ABLIM3: variants seen among roughly 807,000 people sequenced by gnomAD.
ABLIM3 encodes the protein actin binding LIM protein family member 3.
ABLIM3 carries 61 observed loss-of-function variants against 109.5 expected under a neutral mutation model. The ratio of observed to expected loss-of-function variants is 0.56; its 90% CI spans 0.45 to 0.69. The LOEUF (loss-of-function observed/expected upper bound fraction) is 0.69. Ranked by LOEUF, ABLIM3 falls within the 30% of genes least tolerant of loss-of-function variation. The pLI is 0.00. For synonymous variants in ABLIM3, 300 were observed against 324.8 expected (o/e 0.92, Z 0.82); for missense variants, 796 against 889.5 (o/e 0.89, Z 1.34).
chr5:149,209,951 C>G (rs1375587919), intron 6 of ABLIM3, among the ~76,000 whole-genome samples: 1 of 150,966 alleles, frequency 6.6e-6, no homozygotes, highest in Non-Finnish European at 1.5e-5. Flanking sequence ...GTGTCTGAGC[C>G]AAGTTCTCTT....
At chr5:149,168,763 C>A (rs148354597) in intron 2 of ABLIM3, among the ~76,000 whole-genome samples, 2 of 152,158 alleles carry the variant, frequency 1.3e-5, no homozygotes, top group Non-Finnish European at 2.9e-5. Context: ...ATGGTGACAG[C>A]GCTTTTGATA....
chr5:149,250,407 C>T, intron 19 of ABLIM3, 40 bp from the exon 20 acceptor site: 1 of 1,607,216 alleles, frequency 6.2e-7, no homozygotes, highest in Non-Finnish European at 8.5e-7. Flanking sequence ...GGACTCATGG[C>T]TTGGGACTCC....
intron 3 of ABLIM3, among the ~76,000 whole-genome samples, chr5:149,195,255 A>G (rs191432459): frequency 3.3e-5 from 5 of 152,292 alleles, no homozygotes; most frequent in African/African-American, 1.2e-4. Context: ...AACCTACAAA[A>G]CATCACATTG....
At position 149,198,152 on chromosome 5, in the gene ABLIM3, G is replaced by A. The variant is rs377045773; in HGVS notation, c.152-67G>A. On this transcript the variant is annotated intron_variant, in intron 3 of 23. Coordinates refer to ENST00000309868, the MANE Select transcript of ABLIM3 (RefSeq NM_014945.5). The surrounding 1 kb of genome is among the most constrained non-coding windows in gnomAD (Gnocchi z 4.2). ...GTGAGACACCAGCCTTTCCCCCAGC[G>A]AGGACCTTCTGCTTACAGACCCTCC... 41 of 1,490,072 alleles carry A rather than the reference G, an allele frequency of 2.8e-5. No individual in the cohort carries two copies. The highest frequency in any genetic ancestry group is 2.3e-4 in the South Asian group (18 of 76,866). 92.3% of individuals were successfully genotyped at this position (1,490,072 alleles called of 1,614,324 possible).
intron 18 of ABLIM3, among the ~76,000 whole-genome samples, chr5:149,248,846 C>T: frequency 6.8e-6 from 1 of 146,740 alleles, no homozygotes; most frequent in Non-Finnish European, 1.5e-5. Flanking sequence ...ATTGCAAGCT[C>T]CTCCTATTCC....
Position 149,250,472 on chromosome 5 carries a change from C to A in ABLIM3, c.1755C>A (p.Ser585=). 2 of 1,614,172 alleles carry A rather than the reference C, an allele frequency of 1.2e-6. No individual in the cohort carries two copies. The highest frequency in any genetic ancestry group is 1.7e-6 in the Non-Finnish European group (2 of 1,180,014). The change falls in exon 20 of 24, where the codon TCC becomes TCA. Residue 585 remains serine, a synonymous_variant. Transcript: ENST00000309868. ...ATCCTCTCATCTCCAAATCTGCCTC[C>A]CTGCCTGCCTACCGAAGAAATGGGC... The part of the protein sequence containing the change: ...DSDPLISKSA[S]LPAYRRNGLH...
intron 7 of ABLIM3, among the ~76,000 whole-genome samples, chr5:149,214,396 G>T (rs191253617): frequency 6.6e-6 from 1 of 152,172 alleles, no homozygotes; most frequent in South Asian, 2.1e-4. Flanking sequence ...CAGCCGGCAC[G>T]CCCGGTGGAA....
At chr5:149,168,152 A>G (rs1195366796) in intron 2 of ABLIM3, among the ~76,000 whole-genome samples, 1 of 152,208 alleles carries the variant, frequency 6.6e-6, no homozygotes, top group African/African-American at 2.4e-5. Flanking sequence ...AATTGTCCCC[A>G]ATAGAGAACT....
intron 11 of ABLIM3, 133 bp from the exon 12 acceptor site, chr5:149,239,115 C>G: frequency 1.2e-6 from 1 of 836,496 alleles, no homozygotes; most frequent in South Asian, 1.5e-5. Context: ...AGGCTGTTAT[C>G]TGGAGAGGGG....
At chr5:149,200,277 A>C (rs369094018) in intron 4 of ABLIM3, 39 bp from the exon 5 acceptor site, 1 of 1,565,292 alleles carries the variant, frequency 6.4e-7, no homozygotes, top group African/African-American at 1.4e-5. Flanking sequence ...AATCCCTCAG[A>C]AGAGGGTGTG....
intron 13 of ABLIM3, 98 bp downstream of exon 13, chr5:149,239,986 T>A (rs1375896798): frequency 1.6e-5 from 23 of 1,452,520 alleles, no homozygotes; most frequent in South Asian, 4.6e-5. Context: ...TCCCCCATGA[T>A]CTCCATCACA....
intron 14 of ABLIM3, 67 bp from the exon 15 acceptor site, chr5:149,242,422 TCC>T: frequency 6.6e-7 from 1 of 1,509,874 alleles, no homozygotes. Context: ...AAGTACTATC[TCC>T]TTTTCTCCCT....
rs777206313 is a variant in ABLIM3 at position 149,230,719 on chromosome 5, A to G, written c.816+12A>G. 6 of 1,613,904 alleles carry G rather than the reference A, an allele frequency of 3.7e-6. No individual in the cohort carries two copies. Among genetic ancestry groups the G allele is most frequent in the Non-Finnish European group, 4.2e-6 (5 of 1,179,832 alleles). ...AGAAGAAGTTAAAGGTAAGCAAGCT[A>G]GTAGATTCCAGACCAGCACTCCTGC... is the stretch of plus-strand genomic sequence containing the variant. On this transcript the variant is annotated intron_variant, in intron 9 of 23. Transcript: ENST00000309868.
chr5:149,249,103 T>G (rs922929020), intron 18 of ABLIM3, among the ~76,000 whole-genome samples: 12 of 152,200 alleles, frequency 7.9e-5, no homozygotes, highest in Admixed American at 7.2e-4. Flanking sequence ...GAACTGAGGT[T>G]AAGCCACTTG....
chr5:149,240,642 G>C (rs754756762), intron 13 of ABLIM3, 34 bp from the exon 14 acceptor site: 2 of 1,568,632 alleles, frequency 1.3e-6, no homozygotes, highest in South Asian at 1.1e-5. Context: ...CTGTGCCTCT[G>C]TTTTCTTTGG....
At chr5:149,163,641 G>A (rs1034068104) in intron 2 of ABLIM3, among the ~76,000 whole-genome samples, 4 of 152,066 alleles carry the variant, frequency 2.6e-5, no homozygotes, top group Admixed American at 2.6e-4. Context: ...AGTCATATTG[G>A]ATTAGAGCCT....
intron 2 of ABLIM3, among the ~76,000 whole-genome samples, chr5:149,181,234 T>C (rs532340614): frequency 6.6e-6 from 1 of 151,346 alleles, no homozygotes; most frequent in Non-Finnish European, 1.5e-5. Context: ...CCAGGGAACA[T>C]TGAGTAAGAA....
At position 149,210,714 on chromosome 5, in the gene ABLIM3, T is replaced by A. The variant is rs1165597825; in HGVS notation, c.576-12T>A. 4.3e-6 allele frequency: 7 copies of A among 1,613,026 alleles called. No homozygotes were observed. Among genetic ancestry groups the A allele is most frequent in the Non-Finnish European group, 5.9e-6 (7 of 1,179,188 alleles). On this transcript the variant is annotated splice_polypyrimidine_tract_variant and intron_variant, in intron 6 of 23. Coordinates refer to ENST00000309868, the MANE Select transcript of ABLIM3 (RefSeq NM_014945.5). ...CCTAACTTCCTCATCCTATGTGAAC[T>A]TCTTCTTGCAGGGATGGTGTTCCAT...
At chr5:149,232,076 C>G (rs554817730) in intron 9 of ABLIM3, among the ~76,000 whole-genome samples, 1 of 152,126 alleles carries the variant, frequency 6.6e-6, no homozygotes, top group African/African-American at 2.4e-5. Flanking sequence ...GAGGCCAAGG[C>G]GGGTGAATCA....
Sources: allele counts gnomAD v4.1 joint callset (sites outside exome capture counted in the v4.1 genomes callset), GRCh38; gene constraint gnomAD v4.1.1; non-coding constraint Gnocchi (gnomAD v3.1); transcripts MANE v1.5; gene names NCBI Gene and HGNC (gene_info 2026-07-23, HGNC 2026-07-21).